SLC25A13: variants seen among roughly 807,000 people sequenced by gnomAD.
The protein encoded by SLC25A13 is solute carrier family 25 member 13.
SLC25A13 carries 70 observed loss-of-function variants against 85.5 expected under a neutral mutation model. That is an observed-to-expected ratio of 0.82 (90% CI 0.68 to 1.00). The LOEUF (loss-of-function observed/expected upper bound fraction) is 1.00, where lower values mean the gene tolerates loss of function less well. Ranked by LOEUF, SLC25A13 falls within the 50% of genes least tolerant of loss-of-function variation. SLC25A13 has a pLI of 0.00. For missense variants in SLC25A13, 765 were observed against 819.8 expected (o/e 0.93, Z 0.82); for synonymous variants, 259 against 288.7 (o/e 0.90, Z 1.04).
At chr7:96,313,177 C>G (rs1048691439) in intron 1 of SLC25A13, among the ~76,000 whole-genome samples, 1 of 152,138 alleles carries the variant, frequency 6.6e-6, no homozygotes, top group Admixed American at 6.5e-5. Flanking sequence ...AGACAGCCAC[C>G]CAGGCTGAGG....
chr7:96,216,394 C>T (rs1030796119), intron 4 of SLC25A13, among the ~76,000 whole-genome samples: 22 of 152,002 alleles, frequency 1.4e-4, no homozygotes, highest in Non-Finnish European at 2.9e-4. Context: ...AATCTCATTA[C>T]TGGGTATATA....
At chr7:96,264,729 T>C (rs190150036) in intron 3 of SLC25A13, among the ~76,000 whole-genome samples, 119 of 152,162 alleles carry the variant, frequency 7.8e-4, no homozygotes, top group African/African-American at 2.8e-3. Flanking sequence ...TTTTTTTAAT[T>C]GTAGAGACAG....
At chr7:96,182,322 C>A (rs529929517) in intron 11 of SLC25A13, among the ~76,000 whole-genome samples, 1 of 152,242 alleles carries the variant, frequency 6.6e-6, no homozygotes, top group Admixed American at 6.5e-5. Context: ...AAATGGTTTA[C>A]CAGAAAAGAT....
At chr7:96,176,189 G>A (rs1187741492) in intron 11 of SLC25A13, among the ~76,000 whole-genome samples, 2 of 152,218 alleles carry the variant, frequency 1.3e-5, no homozygotes, top group African/African-American at 4.8e-5. Context: ...GAGTCTAGGT[G>A]AGGCACTTCA....
At chr7:96,303,486 C>T (rs1369047203) in intron 1 of SLC25A13, among the ~76,000 whole-genome samples, 6 of 152,096 alleles carry the variant, frequency 3.9e-5, no homozygotes, top group Non-Finnish European at 8.8e-5. Flanking sequence ...GAAAAGTATT[C>T]TTGGGTGTAA....
At chr7:96,209,416 G>A (rs1795605260) in intron 4 of SLC25A13, among the ~76,000 whole-genome samples, 1 of 148,920 alleles carries the variant, frequency 6.7e-6, no homozygotes, top group South Asian at 2.1e-4. Context: ...CCTTTAACAA[G>A]TTATTTAAAA....
In SLC25A13 at chr7:96,151,652, TA is replaced by T. The variant is rs1584378071; in HGVS notation, c.1312-4957del. Among the ~76,000 whole-genome samples, 15 of 146,384 alleles carry T rather than the reference TA, an allele frequency of 1.0e-4. No homozygotes were observed. In the East Asian group the frequency reaches 3.2e-3, roughly 31 times the overall value. On this transcript the variant is annotated intron_variant, in intron 13 of 17. Coordinates refer to ENST00000265631, the MANE Select transcript of SLC25A13 (RefSeq NM_014251.3). The stretch of plus-strand genomic sequence containing the variant: ...TAATATTATAAGGTAAGTAATAAGA[TA>T]AATAATAGGTCGGGTGCAGTGACTC...
At chr7:96,194,469 G>GAAAAAAAAAAAAAAAAAAA (rs1794986209) in intron 5 of SLC25A13, among the ~76,000 whole-genome samples, 2 of 50,124 alleles carry the variant, frequency 4.0e-5, no homozygotes, top group African/African-American at 6.4e-5. Context: ...AAAAAAAAAG[G>GAAAAAAAAAAAAAAAAAAA]AACACCAACA....
At chr7:96,242,211 C>T (rs1208188562) in intron 3 of SLC25A13, among the ~76,000 whole-genome samples, 2 of 152,200 alleles carry the variant, frequency 1.3e-5, no homozygotes, top group African/African-American at 4.8e-5. Context: ...ACTCCAAAAA[C>T]ACAGTTCTAA....
intron 2 of SLC25A13, among the ~76,000 whole-genome samples, chr7:96,294,746 T>C (rs1373823101): frequency 6.6e-6 from 1 of 152,216 alleles, no homozygotes; most frequent in Non-Finnish European, 1.5e-5. Context: ...GGCACATTCA[T>C]AGCTCACTGA....
chr7:96,213,804 G>A (rs1035536822), intron 4 of SLC25A13, among the ~76,000 whole-genome samples: 2 of 152,100 alleles, frequency 1.3e-5, no homozygotes, highest in Non-Finnish European at 2.9e-5. Context: ...TATAGGCAAA[G>A]AAACAAAACT....
At chr7:96,160,938 G>T (rs1196931931) in intron 13 of SLC25A13, among the ~76,000 whole-genome samples, 1 of 151,002 alleles carries the variant, frequency 6.6e-6, no homozygotes, top group Non-Finnish European at 1.5e-5. Flanking sequence ...TGGCTTTTCA[G>T]AAATCTGCCA....
chr7:96,168,131 C>CAAAAAAAAAAAAA (rs1562810161), intron 13 of SLC25A13, among the ~76,000 whole-genome samples: 1 of 46,900 alleles, frequency 2.1e-5, no homozygotes, highest in African/African-American at 5.9e-5. Flanking sequence ...AAAAAAAAAG[C>CAAAAAAAAAAAAA]ACGTGTGCAC....
intron 12 of SLC25A13, among the ~76,000 whole-genome samples, chr7:96,171,177 C>T (rs1375571079): frequency 6.6e-6 from 1 of 152,168 alleles, no homozygotes. Flanking sequence ...ACCAGTAAAA[C>T]GTAATATACG....
chr7:96,205,723 C>A (rs536712006), intron 5 of SLC25A13, among the ~76,000 whole-genome samples: 3 of 152,140 alleles, frequency 2.0e-5, no homozygotes, highest in Admixed American at 2.0e-4. Flanking sequence ...CAAATAATAT[C>A]AAATTGATTC....
chr7:96,261,969 A>G (rs532732628), intron 3 of SLC25A13, among the ~76,000 whole-genome samples: 9 of 152,316 alleles, frequency 5.9e-5, no homozygotes, highest in African/African-American at 1.9e-4. Flanking sequence ...TGCCTGCGAT[A>G]AAAGCATTAA....
intron 15 of SLC25A13, among the ~76,000 whole-genome samples, chr7:96,124,526 CT>C (rs1791646389): frequency 6.6e-6 from 1 of 152,182 alleles, no homozygotes; most frequent in South Asian, 2.1e-4. Context: ...TGCCTGTGTG[CT>C]TCTGAACGCT....
intron 3 of SLC25A13, among the ~76,000 whole-genome samples, chr7:96,243,757 G>A (rs1356497708): frequency 2.6e-5 from 4 of 152,112 alleles, no homozygotes; most frequent in South Asian, 2.1e-4. Context: ...CAGTGCCAGC[G>A]CCCAAAGCAG....
At chr7:96,145,256 A>C (rs1490162124) in intron 14 of SLC25A13, among the ~76,000 whole-genome samples, 1 of 152,112 alleles carries the variant, frequency 6.6e-6, no homozygotes, top group African/African-American at 2.4e-5. Context: ...CTTTATATTC[A>C]ATCTTCACAA....
Sources: allele counts gnomAD v4.1 joint callset (sites outside exome capture counted in the v4.1 genomes callset), GRCh38; gene constraint gnomAD v4.1.1; transcripts MANE v1.5; gene names NCBI Gene and HGNC (gene_info 2026-07-23, HGNC 2026-07-21).